Variants in FHL5 observed in about 807,000 individuals in gnomAD.
FHL5 encodes four and a half LIM domains protein 5.
FHL5 carries 33 observed loss-of-function variants against 32.0 expected under a neutral mutation model. The ratio of observed to expected loss-of-function variants is 1.03; its 90% CI spans 0.78 to 1.38. The LOEUF is 1.38. FHL5 is among the 40% of genes most tolerant of loss of function. The pLI is 0.00. For synonymous variants in FHL5, 114 were observed against 113.6 expected, an observed-to-expected ratio of 1.00 and a Z score of -0.02; for missense variants, 336 against 343.9, an observed-to-expected ratio of 0.98 and a Z score of 0.18.
At chr6:96,573,052 T>G (rs1483578053) in intron 1 of FHL5, among the ~76,000 whole-genome samples, 1 of 152,190 alleles carries the variant, frequency 6.6e-6, no homozygotes, top group Non-Finnish European at 1.5e-5. Flanking sequence ...GTTCTCCTGA[T>G]CAAGGTATCA....
At position 96,607,406 on chromosome 6, in the gene FHL5, TACACACACAC is replaced by T. The variant is rs3839357; in HGVS notation, c.504+1346_504+1355del. ...ACACATATGTGAACACACATGCACA[TACACACACAC>T]ACACACACACGCAGTTAACTGTTTA... On this transcript the variant is annotated intron_variant, in intron 4 of 5. Transcript: ENST00000450218. 3.0e-3 allele frequency among the ~76,000 whole-genome samples: 454 copies of T among 149,056 alleles called. 1 individual carries two copies. Among genetic ancestry groups the T allele is most frequent in the African/African-American group, 0.011 (432 of 40,276 alleles).
At chr6:96,570,440 C>A (rs1245780783) in intron 1 of FHL5, among the ~76,000 whole-genome samples, 2 of 152,072 alleles carry the variant, frequency 1.3e-5, no homozygotes, top group Non-Finnish European at 2.9e-5. Flanking sequence ...CTATAATGTA[C>A]CTCTAAGAGG....
At chr6:96,579,804 G>A (rs1770661244) in intron 1 of FHL5, among the ~76,000 whole-genome samples, 1 of 151,756 alleles carries the variant, frequency 6.6e-6, no homozygotes, top group South Asian at 2.1e-4. Flanking sequence ...ACAGGCTGCT[G>A]GGCTCTACAG....
chr6:96,597,108 T>C (rs1338566640), intron 1 of FHL5, among the ~76,000 whole-genome samples: 2 of 152,062 alleles, frequency 1.3e-5, no homozygotes, highest in African/African-American at 4.8e-5. Context: ...ACTCAGTCTT[T>C]GGCTTCTCAG....
intron 5 of FHL5, among the ~76,000 whole-genome samples, chr6:96,612,634 T>C (rs1413639121): frequency 6.6e-6 from 1 of 152,112 alleles, no homozygotes; most frequent in Non-Finnish European, 1.5e-5. Flanking sequence ...TGATCAAAAG[T>C]AAATAATCTG....
intron 1 of FHL5, among the ~76,000 whole-genome samples, chr6:96,586,951 G>C (rs527491960): frequency 6.6e-6 from 1 of 152,158 alleles, no homozygotes; most frequent in East Asian, 1.9e-4. Flanking sequence ...GATGAAACAC[G>C]GCTTTGCCAG....
chr6:96,603,694 A>G lies in FHL5; in HGVS notation c.81A>G (p.Pro27=), dbSNP rs748092303. 8.7e-6 allele frequency: 14 copies of G among 1,612,212 alleles called. No homozygotes were observed. Among genetic ancestry groups the G allele is most frequent in the East Asian group, 2.2e-5 (1 of 44,808 alleles). ...AATATGTACTAAAGGATGACAGTCC[A>G]TACTGTGTTACATGTTATGATCGTG... ...GKKYVLKDDS[P]YCVTCYDRVF... The change falls in exon 2 of 6, where the codon CCA becomes CCG. Residue 27 remains proline (P), a synonymous_variant. Coordinates refer to ENST00000450218, the MANE Select transcript of FHL5 (RefSeq NM_001322466.2).
chr6:96,574,955 T>G (rs905046232), intron 1 of FHL5, among the ~76,000 whole-genome samples: 4 of 152,146 alleles, frequency 2.6e-5, no homozygotes, highest in African/African-American at 4.8e-5. Flanking sequence ...TAATAAACTT[T>G]AAAGAGAAAA....
intron 4 of FHL5, among the ~76,000 whole-genome samples, chr6:96,608,710 C>G (rs1057466365): frequency 2.6e-5 from 4 of 152,046 alleles, no homozygotes; most frequent in African/African-American, 7.2e-5. Flanking sequence ...TCATTATTGC[C>G]CCCACTTTTT....
chr6:96,596,291 G>T (rs1771031895), intron 1 of FHL5, among the ~76,000 whole-genome samples: 2 of 151,912 alleles, frequency 1.3e-5, no homozygotes. Context: ...TGCCAGTTCG[G>T]CAACACATTT....
At chr6:96,600,779 A>G (rs1358798624) in intron 1 of FHL5, among the ~76,000 whole-genome samples, 2 of 152,230 alleles carry the variant, frequency 1.3e-5, no homozygotes, top group African/African-American at 4.8e-5. Context: ...ATAAACATTC[A>G]GTTTGCTCAC....
intron 1 of FHL5, among the ~76,000 whole-genome samples, chr6:96,575,627 G>A (rs1221796559): frequency 6.6e-6 from 1 of 152,156 alleles, no homozygotes; most frequent in Admixed American, 6.5e-5. Context: ...TTACTTACCA[G>A]TTAAGTCACT....
rs112773366 is a variant in FHL5 at position 96,585,382 on chromosome 6, T to C, written c.-12-18220T>C. 6.6e-3 allele frequency among the ~76,000 whole-genome samples: 1,009 copies of C among 152,264 alleles called. 10 individuals carry two copies. The highest frequency in any genetic ancestry group is 0.023 in the African/African-American group (970 of 41,552). Reference sequence around the variant, plus strand: ...GCCATGCGGCAATCCCAGCTGAGCATAGATATATTTATACAGGTAAAACTA... The same window carrying C: ...GCCATGCGGCAATCCCAGCTGAGCACAGATATATTTATACAGGTAAAACTA... On this transcript the variant is annotated intron_variant, in intron 1 of 5. Transcript: ENST00000450218.
chr6:96,595,160 A>T (rs1050233711), intron 1 of FHL5, among the ~76,000 whole-genome samples: 1 of 151,226 alleles, frequency 6.6e-6, no homozygotes, highest in African/African-American at 2.4e-5. Context: ...CCTTCAGTGA[A>T]GGTTTTTTGG....
chr6:96,579,078 G>A (rs1043593460), intron 1 of FHL5, among the ~76,000 whole-genome samples: 4 of 151,978 alleles, frequency 2.6e-5, no homozygotes, highest in South Asian at 4.2e-4. Flanking sequence ...GATAAAGAAC[G>A]GGAGACTCAA....
rs112072828 is a variant in FHL5 at position 96,569,790 on chromosome 6, G to A, written c.-13+6435G>A. ...TTTTATTCTATATGTGTCTTTTTAG[G>A]TGAAGTGAGTTTCTTTTAGGCAGCA... On this transcript the variant is annotated intron_variant, in intron 1 of 5. Transcript: ENST00000450218. Among the ~76,000 whole-genome samples the A allele has an allele frequency of 6.3e-4, 71 of 113,582 alleles. 2 individuals carry two copies. Among genetic ancestry groups the A allele is most frequent in the Admixed American group, 1.8e-3 (20 of 11,386 alleles). 74.5% of individuals were successfully genotyped at this position (113,582 alleles called of 152,430 possible).
chr6:96,613,512 C>G (rs1771456969), intron 5 of FHL5, among the ~76,000 whole-genome samples: 1 of 152,202 alleles, frequency 6.6e-6, no homozygotes, highest in Non-Finnish European at 1.5e-5. Flanking sequence ...ACTAACTCAC[C>G]TCAGGGGTGG....
intron 1 of FHL5, among the ~76,000 whole-genome samples, chr6:96,590,766 T>G (rs1440749066): frequency 6.6e-6 from 1 of 152,086 alleles, no homozygotes; most frequent in African/African-American, 2.4e-5. Context: ...CTTTCATTTT[T>G]AGTTTGTTAA....
chr6:96,603,297 A>G (rs1240999433), intron 1 of FHL5, among the ~76,000 whole-genome samples: 2 of 152,158 alleles, frequency 1.3e-5, no homozygotes, highest in Non-Finnish European at 2.9e-5. Context: ...AACAGATACC[A>G]TATTCTCATT....
Sources: allele counts gnomAD v4.1 joint callset (sites outside exome capture counted in the v4.1 genomes callset), GRCh38; gene constraint gnomAD v4.1.1; transcripts MANE v1.5; gene names NCBI Gene and HGNC (gene_info 2026-07-23, HGNC 2026-07-21).